NPAS3: variants seen among roughly 807,000 people sequenced by gnomAD.
NPAS3 encodes neuronal PAS domain-containing protein 3.
Under a neutral mutation model 73.1 loss-of-function variants are expected in NPAS3, and 14 were observed. The ratio of observed to expected loss-of-function variants is 0.19; its 90% confidence interval spans 0.13 to 0.30. NPAS3 has a LOEUF of 0.30. NPAS3 is among the 10% of genes least tolerant of loss of function. The probability of loss-of-function intolerance (pLI) is 1.00; values close to 1 mark genes in which losing one functional copy is unlikely to be tolerated. For missense variants in NPAS3, 1,096 were observed against 1,250.0 expected (o/e 0.88, Z 1.86); for synonymous variants, 620 against 541.5 (o/e 1.14, Z -2.01).
chr14:32,966,392 T>C (rs1461780827), intron 1 of NPAS3, among the ~76,000 whole-genome samples: 1 of 152,018 alleles, frequency 6.6e-6, no homozygotes, highest in East Asian at 1.9e-4. Context: ...TAGAAATGAA[T>C]CCATGCTTTT....
chr14:33,801,317 C>G, downstream of NPAS3: 1 of 980,796 alleles, frequency 1.0e-6, no homozygotes, highest in Non-Finnish European at 1.4e-6. Context: ...GAGGGTCAGA[C>G]GACCAGTTGC....
At chr14:33,531,842 TTC>T (rs1348694432) in intron 4 of NPAS3, among the ~76,000 whole-genome samples, 1 of 152,112 alleles carries the variant, frequency 6.6e-6, no homozygotes, top group African/African-American at 2.4e-5. Flanking sequence ...ATTGTCAGCC[TTC>T]TGTTTTTAAT....
upstream of NPAS3, among the ~76,000 whole-genome samples, chr14:32,939,027 G>C (rs1370789907): frequency 6.9e-6 from 1 of 145,748 alleles, no homozygotes; most frequent in East Asian, 2.0e-4. Flanking sequence ...CCCACGGCTG[G>C]GAGCACCGGC....
chr14:33,059,070 A>T (rs2138558277), intron 2 of NPAS3, among the ~76,000 whole-genome samples: 1 of 152,336 alleles, frequency 6.6e-6, no homozygotes, highest in East Asian at 1.9e-4. Flanking sequence ...TCACGTTAGT[A>T]ACTTGAAGTT....
upstream of NPAS3, among the ~76,000 whole-genome samples, chr14:32,938,526 G>GAGAGCA (rs2035800805): frequency 3.9e-5 from 1 of 25,390 alleles, no homozygotes. Context: ...AGAGAGAGAA[G>GAGAGCA]GGGGGGGAGG....
rs543315344 is a variant in NPAS3 at position 33,654,374 on chromosome 14, C to T, written c.559-21837C>T. 2.0e-5 allele frequency among the ~76,000 whole-genome samples: 3 copies of T among 152,220 alleles called. No individual in the cohort carries two copies. The East Asian group carries it at 5.8e-4, about 29-fold the overall frequency. ...AAGAAGAATTGAAATTGTATTAATT[C>T]TGCTGCACTGGTTCTGATTTGCCAG... On this transcript the variant is annotated intron_variant, in intron 5 of 11. Transcript: ENST00000356141.
chr14:33,213,185 C>G (rs1188198665), intron 2 of NPAS3, among the ~76,000 whole-genome samples: 1 of 152,226 alleles, frequency 6.6e-6, no homozygotes, highest in African/African-American at 2.4e-5. Flanking sequence ...ACCCTGAAAG[C>G]CCTTGAGTTC....
chr14:33,776,521 T>TAAAAAAAAAAA lies in NPAS3; in HGVS notation c.1047-1915_1047-1905dup, dbSNP rs552348267. On this transcript the variant is annotated intron_variant, in intron 8 of 11. Transcript: ENST00000356141. The stretch of plus-strand genomic sequence containing the variant: ...CTGCTTTTGGCGTTTTTCTTCCTCT[T>TAAAAAAAAAAA]AAAAAAAAAAAAAAAAAAAAAAAAA... Among the ~76,000 whole-genome samples the TAAAAAAAAAAA allele has an allele frequency of 9.4e-5, 3 of 32,060 alleles. 1 individual carries two copies. Among genetic ancestry groups the TAAAAAAAAAAA allele is most frequent in the African/African-American group, 3.2e-4 (3 of 9,418 alleles). 21.0% of individuals were successfully genotyped at this position (32,060 alleles called of 152,430 possible).
intron 4 of NPAS3, among the ~76,000 whole-genome samples, chr14:33,558,445 G>A (rs1280594904): frequency 6.6e-6 from 1 of 152,046 alleles, no homozygotes; most frequent in East Asian, 1.9e-4. Flanking sequence ...TTTTAGTAGA[G>A]ATGGGGTTTC....
At chr14:33,522,598 A>G (rs537160267) in intron 4 of NPAS3, among the ~76,000 whole-genome samples, 7 of 152,300 alleles carry the variant, frequency 4.6e-5, no homozygotes, top group African/African-American at 1.4e-4. Context: ...GTGGGAAACA[A>G]TACCCCCATT....
intron 2 of NPAS3, among the ~76,000 whole-genome samples, chr14:33,056,526 CA>C (rs151292199): frequency 0.023 from 3,443 of 152,254 alleles, 60 homozygotes; most frequent in Middle Eastern, 0.048. Flanking sequence ...CCTTACAGGA[CA>C]GTTAAATTGA....
intron 2 of NPAS3, among the ~76,000 whole-genome samples, chr14:33,092,780 A>G (rs1275754795): frequency 2.0e-5 from 3 of 152,198 alleles, no homozygotes; most frequent in African/African-American, 7.2e-5. Context: ...GATCTAGACC[A>G]ATGGAACAGA....
chr14:33,543,951 A>ATATATATATATC (rs2054637026), intron 4 of NPAS3, among the ~76,000 whole-genome samples: 3 of 2,628 alleles, frequency 1.1e-3, no homozygotes, highest in African/African-American at 2.7e-3. Flanking sequence ...AAGTGCATAT[A>ATATATATATATC]TATATATATA....
chr14:33,138,736 CT>C, intron 2 of NPAS3, among the ~76,000 whole-genome samples: 1 of 152,178 alleles, frequency 6.6e-6, no homozygotes, highest in Non-Finnish European at 1.5e-5. Context: ...ACATAAAATG[CT>C]GGAATGAATG....
At chr14:32,951,663 T>C (rs2036488967) in intron 1 of NPAS3, among the ~76,000 whole-genome samples, 1 of 152,108 alleles carries the variant, frequency 6.6e-6, no homozygotes, top group South Asian at 2.1e-4. Context: ...CTAGATGATA[T>C]ACAATGAAGA....
chr14:33,308,531 TACACACACACACACACACAC>T (rs550021518), intron 3 of NPAS3, among the ~76,000 whole-genome samples: 1 of 116,012 alleles, frequency 8.6e-6, no homozygotes, highest in African/African-American at 4.0e-5. Context: ...TATATATACA[TACACACACACACACACACAC>T]ACACATACAT....
chr14:33,706,510 G>A (rs1382141040), intron 6 of NPAS3, among the ~76,000 whole-genome samples: 1 of 152,138 alleles, frequency 6.6e-6, no homozygotes, highest in African/African-American at 2.4e-5. Context: ...CATGATCCAG[G>A]AAGATAGAAA....
At chr14:33,230,151 C>G in intron 3 of NPAS3, among the ~76,000 whole-genome samples, 1 of 152,190 alleles carries the variant, frequency 6.6e-6, no homozygotes, top group East Asian at 1.9e-4. Flanking sequence ...GAAATAAACT[C>G]TTAATGAGCC....
intron 5 of NPAS3, among the ~76,000 whole-genome samples, chr14:33,594,122 G>C (rs760430188): frequency 5.9e-5 from 9 of 152,148 alleles, no homozygotes; most frequent in Non-Finnish European, 7.3e-5. Flanking sequence ...GGGATTCCAG[G>C]ACCCTTTCAG....
Sources: gnomAD v4.1 joint callset for allele counts (sites outside exome capture counted in the v4.1 genomes callset) on GRCh38, gnomAD v4.1.1 for gene constraint, MANE v1.5 for transcripts, NCBI Gene and HGNC (gene_info 2026-07-23, HGNC 2026-07-21) for gene names.